The following SPTAN1 variants were observed in gnomAD, a reference collection of about 807,000 sequenced individuals.
SPTAN1 encodes the protein spectrin alpha, non-erythrocytic 1, also known as spectrin alpha chain, non-erythrocytic 1.
In SPTAN1, 61 loss-of-function variants were observed where a neutral mutation model predicts 331.3. The ratio of observed to expected loss-of-function variants is 0.18; its 90% CI spans 0.15 to 0.23. SPTAN1 has a LOEUF of 0.23. Ranked by LOEUF, SPTAN1 falls within the 10% of genes least tolerant of loss-of-function variation. SPTAN1 has a pLI of 1.00. For synonymous variants in SPTAN1, 1,153 were observed against 1,173.9 expected (o/e 0.98, Z 0.36); for missense variants, 2,043 against 3,147.9 (o/e 0.65, Z 8.40).
rs1402079127 is a variant in SPTAN1 at position 128,591,469 on chromosome 9, T to A, written c.3007-8T>A. The A allele has an allele frequency of 3.7e-6, 6 of 1,614,126 alleles. No homozygotes were observed. The highest frequency in any genetic ancestry group is 1.1e-5 in the South Asian group (1 of 91,082). On this transcript the variant is annotated splice_region_variant and splice_polypyrimidine_tract_variant and intron_variant, in intron 21 of 56. Transcript: ENST00000372739. ...ATTTACTTTCAGTTCTCCCTCTTTT[T>A]TCCTTAGGATTGGTGGAAAGTGGAA... is the stretch of plus-strand genomic sequence containing the variant.
At chr9:128,610,266 A>C (rs1335682282) in intron 37 of SPTAN1, among the ~76,000 whole-genome samples, 1 of 152,232 alleles carries the variant, frequency 6.6e-6, no homozygotes, top group Non-Finnish European at 1.5e-5. Flanking sequence ...CATGTAGCTC[A>C]AAGTTACTTA....
Position 128,585,982 on chromosome 9 carries a change from A to G in SPTAN1, c.2778+17A>G, listed in dbSNP as rs757140291. The G allele has an allele frequency of 6.3e-5, 102 of 1,611,338 alleles. No homozygotes were observed. Among genetic ancestry groups the G allele is most frequent in the Admixed American group, 8.3e-5 (5 of 59,988 alleles). ...TCTGCTGAGGTAACCAGGCGTGGGAAGCGTCTCACCTGCCAGGGAAGTGGA... is the reference window on the plus strand; with the variant it reads ...TCTGCTGAGGTAACCAGGCGTGGGAGGCGTCTCACCTGCCAGGGAAGTGGA... On this transcript the variant is annotated intron_variant, in intron 19 of 56. Coordinates refer to ENST00000372739, the MANE Select transcript of SPTAN1 (RefSeq NM_001130438.3).
At position 128,621,250 on chromosome 9, in the gene SPTAN1, T is replaced by A; in HGVS notation, c.5826T>A (p.Ile1942=). The A allele has an allele frequency of 2.5e-6, 4 of 1,613,042 alleles. No homozygotes were observed. The highest frequency in any genetic ancestry group is 3.4e-6 in the Non-Finnish European group (4 of 1,179,780). ...TCTGCACCAATGGACAAGACCTCAT[T>A]AAGAAGGTGAGTCCAGCCCATTGGT... ...NDVCTNGQDL[I]KKNNHHEENI... is the part of the protein sequence containing the mutation. The change falls in exon 45 of 57, where the codon ATT becomes ATA. Residue 1942 remains isoleucine (I), a synonymous_variant. Coordinates refer to ENST00000372739, the MANE Select transcript of SPTAN1 (RefSeq NM_001130438.3).
intron 37 of SPTAN1, 192 bp from the exon 38 acceptor site, chr9:128,611,522 C>T: frequency 1.5e-6 from 1 of 647,918 alleles, no homozygotes. Context: ...TTTCCTTCCT[C>T]CTTTGCTAAC....
In SPTAN1 at chr9:128,598,996, G is replaced by A. The variant is rs754641622; in HGVS notation, c.3543+10G>A. The A allele has an allele frequency of 1.4e-5, 23 of 1,613,544 alleles. No homozygotes were observed. Among genetic ancestry groups the A allele is most frequent in the Middle Eastern group, 1.6e-4 (1 of 6,084 alleles). The stretch of plus-strand genomic sequence containing the variant: ...TGGCATGATGCCCAGGGTAAGTTTC[G>A]GGTGCTGTGTGTGGATCTTGAACAT... On this transcript the variant is annotated intron_variant, in intron 26 of 56. Coordinates refer to ENST00000372739, the MANE Select transcript of SPTAN1 (RefSeq NM_001130438.3).
intron 44 of SPTAN1, 38 bp from the exon 45 acceptor site, chr9:128,621,120 A>T (rs368131682): frequency 6.3e-7 from 1 of 1,586,468 alleles, no homozygotes; most frequent in East Asian, 2.2e-5. Flanking sequence ...AACACATAGC[A>T]GGCTCTCAAT....
chr9:128,606,100 G>A (rs997069169), intron 31 of SPTAN1, among the ~76,000 whole-genome samples: 37 of 151,602 alleles, frequency 2.4e-4, no homozygotes, highest in Admixed American at 9.2e-4. Context: ...AGCCGGGCAC[G>A]GTGGCTCACG....
At position 128,577,532 on chromosome 9, in the gene SPTAN1, C is replaced by T. The variant is rs760712681; in HGVS notation, c.1085+26C>T. The T allele has an allele frequency of 6.2e-7, 1 of 1,612,660 alleles. No homozygotes were observed. Among genetic ancestry groups the T allele is most frequent in the Non-Finnish European group, 8.5e-7 (1 of 1,180,034 alleles). ...GTGCAAATAATGCTCCAGGTCTTAA[C>T]CAGTATCATTTGGCTTCTTTTTTGG... On this transcript the variant is annotated intron_variant, in intron 8 of 56. Transcript: ENST00000372739. The surrounding 1 kb of genome is among the most constrained non-coding windows in gnomAD (Gnocchi z 4.2).
chr9:128,580,779 ATGT>A (rs1851845413), intron 10 of SPTAN1, 140 bp from the exon 11 acceptor site: 1 of 1,067,760 alleles, frequency 9.4e-7, no homozygotes, highest in Non-Finnish European at 1.4e-6. Flanking sequence ...ATACAAGTGA[ATGT>A]TGTTTTTCCC....
chr9:128,597,500 G>C (rs966601145), intron 24 of SPTAN1, among the ~76,000 whole-genome samples: 15 of 152,196 alleles, frequency 9.9e-5, no homozygotes, highest in African/African-American at 3.4e-4. Context: ...CTCCAGCGTG[G>C]GTGACAGTGA....
chr9:128,591,133 C>T (rs1296399549), intron 21 of SPTAN1, among the ~76,000 whole-genome samples: 1 of 151,910 alleles, frequency 6.6e-6, no homozygotes, highest in Non-Finnish European at 1.5e-5. Context: ...GCAATCTCAG[C>T]TCACTGCAAG....
At chr9:128,614,387 T>C (rs1368247800) in intron 40 of SPTAN1, among the ~76,000 whole-genome samples, 3 of 146,272 alleles carry the variant, frequency 2.1e-5, no homozygotes, top group Non-Finnish European at 4.5e-5. Flanking sequence ...AGCTCAGGAG[T>C]TCGAGACCAG....
At chr9:128,631,133 C>T (rs1859651046) in intron 52 of SPTAN1, among the ~76,000 whole-genome samples, 1 of 152,200 alleles carries the variant, frequency 6.6e-6, no homozygotes, top group Admixed American at 6.5e-5. Flanking sequence ...GCATGAGCCA[C>T]CACTCCCGGC....
intron 41 of SPTAN1, among the ~76,000 whole-genome samples, chr9:128,617,265 T>A (rs146199583): frequency 8.6e-4 from 131 of 152,018 alleles, no homozygotes; most frequent in African/African-American, 3.1e-3. Context: ...TGTATATATG[T>A]ATATATATAA....
Position 128,607,810 on chromosome 9 carries a change from C to T in SPTAN1, c.4147-42C>T, listed in dbSNP as rs754695482. On this transcript the variant is annotated intron_variant, in intron 32 of 56. Coordinates refer to ENST00000372739, the MANE Select transcript of SPTAN1 (RefSeq NM_001130438.3). ...AGTCGGTGGTTGACGTCAGAGTGGG[C>T]ATCTGCTGCCAGTTACCTAATCCCT... 1.6e-5 allele frequency: 25 copies of T among 1,612,228 alleles called. 1 individual carries two copies. The South Asian group carries it at 1.9e-4, about 12-fold the overall frequency.
intron 5 of SPTAN1, among the ~76,000 whole-genome samples, chr9:128,576,540 C>T (rs967068140): frequency 6.6e-6 from 1 of 152,160 alleles, no homozygotes; most frequent in African/African-American, 2.4e-5. Flanking sequence ...ACAGTTGTTG[C>T]CAAACTATTT....
intron 27 of SPTAN1, among the ~76,000 whole-genome samples, chr9:128,600,922 C>T (rs956061330): frequency 2.8e-5 from 4 of 144,540 alleles, no homozygotes; most frequent in African/African-American, 7.6e-5. Context: ...CTCAGCCTTC[C>T]AAAGTGTTGG....
At position 128,632,733 on chromosome 9, in the gene SPTAN1, G is replaced by A; in HGVS notation, c.7160+15G>A. 2 of 1,614,000 alleles carry A rather than the reference G, an allele frequency of 1.2e-6. No individual in the cohort carries two copies. Among genetic ancestry groups the A allele is most frequent in the Non-Finnish European group, 1.7e-6 (2 of 1,180,038 alleles). On this transcript the variant is annotated intron_variant, in intron 55 of 56. Transcript: ENST00000372739. ...GATCCGAACAGGTAAATTAATTAAGGCCAGGTGCTGTGAGCCTCTGCCCGG... is the reference window on the plus strand; with the variant it reads ...GATCCGAACAGGTAAATTAATTAAGACCAGGTGCTGTGAGCCTCTGCCCGG...
Position 128,585,933 on chromosome 9 carries a change from A to G in SPTAN1, c.2746A>G (p.Thr916Ala), listed in dbSNP as rs1064797353. The change falls in exon 19 of 57, where the codon ACT (threonine) becomes GCT (alanine). Residue 916 changes from threonine (T) to alanine (A), a missense_variant. By Grantham distance (58) the Thr-to-Ala change is moderately conservative. Around this residue, in one of 12 missense-constraint regions of SPTAN1, gnomAD observed 1,038 missense variants for 1,531.5 expected, o/e 0.68. Coordinates refer to ENST00000372739, the MANE Select transcript of SPTAN1 (RefSeq NM_001130438.3). ...MREKEPIVGS[T>A]DYGKDEDSAE... ...GGAGAAGGAACCCATTGTGGGCAGC[A>G]CTGACTATGGCAAGGACGAAGACTC... 1.2e-6 allele frequency: 2 copies of G among 1,612,982 alleles called. No homozygotes were observed. Among genetic ancestry groups the G allele is most frequent in the Admixed American group, 1.7e-5 (1 of 60,000 alleles).
Sources: gnomAD v4.1 joint callset for allele counts (sites outside exome capture counted in the v4.1 genomes callset) on GRCh38, gnomAD v4.1.1 for gene constraint, gnomAD v4.1.1 regional missense constraint, Gnocchi (gnomAD v3.1) non-coding constraint, MANE v1.5 for transcripts, NCBI Gene and HGNC (gene_info 2026-07-23, HGNC 2026-07-21) for gene names.